The following KCNIP4 variants were observed in gnomAD, a reference collection of about 807,000 sequenced individuals.
The protein encoded by KCNIP4 is Kv channel-interacting protein 4.
A neutral mutation model predicts 34.0 loss-of-function variants in KCNIP4; 12 were observed. The observed-to-expected ratio is 0.35, with a 90% CI of 0.23 to 0.57. The LOEUF (loss-of-function observed/expected upper bound fraction) is 0.57, where lower values mean the gene tolerates loss of function less well. Ranked by LOEUF, KCNIP4 falls within the 20% of genes least tolerant of loss-of-function variation. The pLI is 0.83. For missense variants in KCNIP4, 238 were observed against 311.7 expected, an observed-to-expected ratio of 0.76 and a Z score of 1.78; for synonymous variants, 124 against 102.2, an observed-to-expected ratio of 1.21 and a Z score of -1.29.
At chr4:21,557,834 G>A (rs1344153534) in intron 1 of KCNIP4, among the ~76,000 whole-genome samples, 2 of 152,124 alleles carry the variant, frequency 1.3e-5, no homozygotes, top group Non-Finnish European at 2.9e-5. Flanking sequence ...CCTGGGCTTT[G>A]TAACTATAGA....
At chr4:21,765,940 A>C (rs1480709026) in intron 1 of KCNIP4, among the ~76,000 whole-genome samples, 5 of 152,088 alleles carry the variant, frequency 3.3e-5, no homozygotes, top group African/African-American at 1.2e-4. Flanking sequence ...ACAGTAAACT[A>C]AGCGGCCATT....
chr4:21,224,878 C>T (rs1306505664), intron 1 of KCNIP4, among the ~76,000 whole-genome samples: 1 of 152,052 alleles, frequency 6.6e-6, no homozygotes, highest in Non-Finnish European at 1.5e-5. Context: ...TGAGCCACCA[C>T]ACCTGGCCCC....
At chr4:20,949,740 C>T (rs1251528111) in intron 1 of KCNIP4, among the ~76,000 whole-genome samples, 4 of 151,626 alleles carry the variant, frequency 2.6e-5, no homozygotes. Context: ...TAACCATTCT[C>T]AGTAAACTAT....
chr4:21,123,706 T>C (rs1750362940), intron 1 of KCNIP4, among the ~76,000 whole-genome samples: 1 of 152,174 alleles, frequency 6.6e-6, no homozygotes, highest in African/African-American at 2.4e-5. Flanking sequence ...TGATGATACT[T>C]GGAGGTTATT....
At chr4:21,480,369 C>T (rs971401224) in intron 1 of KCNIP4, among the ~76,000 whole-genome samples, 2 of 151,956 alleles carry the variant, frequency 1.3e-5, no homozygotes, top group Non-Finnish European at 1.5e-5. Context: ...AGTGAAAACA[C>T]GAATCTTTTG....
chr4:21,396,619 A>T (rs961549998), intron 1 of KCNIP4, among the ~76,000 whole-genome samples: 1 of 151,334 alleles, frequency 6.6e-6, no homozygotes, highest in African/African-American at 2.4e-5. Context: ...AGTTAGAGAG[A>T]TAGTTCAGGA....
intron 1 of KCNIP4, among the ~76,000 whole-genome samples, chr4:21,404,130 G>A (rs1013133987): frequency 1.3e-5 from 2 of 152,078 alleles, no homozygotes; most frequent in East Asian, 1.9e-4. Flanking sequence ...TCTGCCTGGG[G>A]GGGCTCTCCC....
chr4:21,706,926 G>A (rs1409397141), intron 1 of KCNIP4, among the ~76,000 whole-genome samples: 1 of 152,182 alleles, frequency 6.6e-6, no homozygotes, highest in Non-Finnish European at 1.5e-5. Flanking sequence ...TATCAGACTT[G>A]CTACTGTCCA....
chr4:21,763,076 C>T, intron 1 of KCNIP4: 2 of 1,288,732 alleles, frequency 1.6e-6, no homozygotes, highest in Non-Finnish European at 2.0e-6. Context: ...ATTTCCTCGT[C>T]AGGACACTCA....
At chr4:21,356,807 A>G (rs921927297) in intron 1 of KCNIP4, among the ~76,000 whole-genome samples, 1 of 152,176 alleles carries the variant, frequency 6.6e-6, no homozygotes, top group Non-Finnish European at 1.5e-5. Flanking sequence ...ACAGAATTGG[A>G]AAAAACTACT....
At chr4:20,949,863 TGGGGGGA>T (rs1317320323) in intron 1 of KCNIP4, among the ~76,000 whole-genome samples, 2 of 20,440 alleles carry the variant, frequency 9.8e-5, no homozygotes, top group African/African-American at 1.9e-4. Flanking sequence ...GGTTGGGGGG[TGGGGGGA>T]GGGGGGAGGG....
At chr4:21,855,856 G>T (rs1724718991) in intron 1 of KCNIP4, 1 of 152,154 alleles carries the variant, frequency 6.6e-6, no homozygotes, top group Non-Finnish European at 1.5e-5. Context: ...ATTACCACAA[G>T]ATTCTATCTA....
intron 1 of KCNIP4, among the ~76,000 whole-genome samples, chr4:21,516,900 A>T (rs1734812633): frequency 6.6e-6 from 1 of 152,160 alleles, no homozygotes; most frequent in Admixed American, 6.6e-5. Flanking sequence ...AGAGTTTGGA[A>T]ACATACACAA....
rs186074728 is a variant in KCNIP4, at chr4:21,519,896, T to C, written c.61+428675A>G. Reference sequence around the variant, plus strand: ...ATAAATTATATATAATTTAATTATATATTAATTTTATATGTATAGTTAAGT... The same window carrying C: ...ATAAATTATATATAATTTAATTATACATTAATTTTATATGTATAGTTAAGT... On this transcript the variant is annotated intron_variant, in intron 1 of 8. Coordinates refer to ENST00000382152, the MANE Select transcript of KCNIP4 (RefSeq NM_025221.6). Among the ~76,000 whole-genome samples the C allele has an allele frequency of 8.1e-3, 1,199 of 148,198 alleles. 8 individuals carry two copies. The highest frequency in any genetic ancestry group is 0.014 in the Non-Finnish European group (940 of 67,238).
At chr4:20,799,850 T>C (rs182719477) in intron 3 of KCNIP4, among the ~76,000 whole-genome samples, 10 of 152,278 alleles carry the variant, frequency 6.6e-5, no homozygotes, top group African/African-American at 2.4e-4. Context: ...TCCCTTCTTC[T>C]CCAGAGCTGC....
At chr4:20,900,515 A>G (rs1030075445) in intron 1 of KCNIP4, among the ~76,000 whole-genome samples, 1 of 152,232 alleles carries the variant, frequency 6.6e-6, no homozygotes, top group Non-Finnish European at 1.5e-5. Context: ...AAAGAGAGGC[A>G]GGCTTCTCTT....
intron 1 of KCNIP4, among the ~76,000 whole-genome samples, chr4:21,123,199 G>T (rs957383568): frequency 4.2e-4 from 40 of 95,860 alleles, no homozygotes; most frequent in Non-Finnish European, 8.3e-4. Flanking sequence ...GAACGACAGA[G>T]CAAGTTAAAA....
chr4:21,911,652 AC>A (rs1560177794), intron 1 of KCNIP4, among the ~76,000 whole-genome samples: 4 of 129,534 alleles, frequency 3.1e-5, no homozygotes, highest in Non-Finnish European at 6.6e-5. Flanking sequence ...ACACACACAC[AC>A]ACAGAGTCTG....
chr4:21,405,041 C>A lies in KCNIP4; in HGVS notation c.62-522332G>T, dbSNP rs1040738548. Among the ~76,000 whole-genome samples, 2 of 152,152 alleles carry A rather than the reference C, an allele frequency of 1.3e-5. 1 individual carries two copies. The highest frequency in any genetic ancestry group is 4.1e-4 in the South Asian group (2 of 4,826). ...GAACACCCCACTCACACTCTGGGTT[C>A]ATCTGATCATCCCCTCAATATCTAA... is the stretch of plus-strand genomic sequence containing the variant. On this transcript the variant is annotated intron_variant, in intron 1 of 8. Coordinates refer to ENST00000382152, the MANE Select transcript of KCNIP4 (RefSeq NM_025221.6).
Sources: allele counts gnomAD v4.1 joint callset (sites outside exome capture counted in the v4.1 genomes callset), GRCh38; gene constraint gnomAD v4.1.1; transcripts MANE v1.5; gene names NCBI Gene and HGNC (gene_info 2026-07-23, HGNC 2026-07-21).